Variants in ADGRB3 observed in about 807,000 individuals in gnomAD.
The protein encoded by ADGRB3 is adhesion G protein-coupled receptor B3.
In ADGRB3, 37 loss-of-function variants were observed where a neutral mutation model predicts 193.4. That is an observed-to-expected ratio of 0.19 (90% CI 0.15 to 0.25). ADGRB3 has a LOEUF of 0.25. ADGRB3 is among the 10% of genes least tolerant of loss of function. The probability of loss-of-function intolerance (pLI) is 1.00; values close to 1 mark genes in which losing one functional copy is unlikely to be tolerated. For missense variants in ADGRB3, 1,637 were observed against 1,852.9 expected (o/e 0.88, Z 2.14); for synonymous variants, 690 against 644.2 (o/e 1.07, Z -1.08).
At chr6:68,882,331 G>A (rs149963805) in intron 3 of ADGRB3, among the ~76,000 whole-genome samples, 2 of 152,220 alleles carry the variant, frequency 1.3e-5, no homozygotes, top group Admixed American at 1.3e-4. Context: ...CAAATAATAA[G>A]TATTATACTT....
At chr6:69,174,762 A>G (rs1046236286) in intron 17 of ADGRB3, among the ~76,000 whole-genome samples, 1 of 152,180 alleles carries the variant, frequency 6.6e-6, no homozygotes, top group Non-Finnish European at 1.5e-5. Flanking sequence ...TAGACTCACC[A>G]ACATCTGTTG....
chr6:69,234,222 C>G (rs1237362030), intron 18 of ADGRB3, among the ~76,000 whole-genome samples: 1 of 152,100 alleles, frequency 6.6e-6, no homozygotes, highest in Non-Finnish European at 1.5e-5. Flanking sequence ...CCTTCAAACT[C>G]TCAATGTTAA....
chr6:69,215,397 T>C (rs967329793), intron 17 of ADGRB3, among the ~76,000 whole-genome samples: 1 of 152,106 alleles, frequency 6.6e-6, no homozygotes, highest in African/African-American at 2.4e-5. Context: ...CCCATTTTCT[T>C]TTTTTCTTAG....
At chr6:69,080,282 T>C (rs898940247) in intron 17 of ADGRB3, among the ~76,000 whole-genome samples, 1 of 152,040 alleles carries the variant, frequency 6.6e-6, no homozygotes, top group Non-Finnish European at 1.5e-5. Context: ...CACAATATTA[T>C]ATGCCTTAAG....
intron 17 of ADGRB3, among the ~76,000 whole-genome samples, chr6:69,085,497 T>G (rs985513405): frequency 6.6e-6 from 1 of 152,074 alleles, no homozygotes; most frequent in African/African-American, 2.4e-5. Context: ...TGAAAAGACT[T>G]TATATTGCTG....
Position 69,367,322 on chromosome 6 carries a change from A to T in ADGRB3, c.4240-5084A>T, listed in dbSNP as rs138181280. ...GCAAATGAGGACTGTTAAGCAAAAGATTGTCACAATGTGTCTTTATAGCAG... is the reference window on the plus strand; with the variant it reads ...GCAAATGAGGACTGTTAAGCAAAAGTTTGTCACAATGTGTCTTTATAGCAG... On this transcript the variant is annotated intron_variant, in intron 29 of 31. Transcript: ENST00000370598. Among the ~76,000 whole-genome samples, 630 of 152,194 alleles carry T rather than the reference A, an allele frequency of 4.1e-3. 2 individuals are homozygous for T. The highest frequency in any genetic ancestry group is 8.3e-3 in the South Asian group (40 of 4,808).
At chr6:69,307,735 A>G (rs1469689127) in intron 20 of ADGRB3, among the ~76,000 whole-genome samples, 2 of 151,392 alleles carry the variant, frequency 1.3e-5, no homozygotes, top group Admixed American at 6.6e-5. Flanking sequence ...TGAAGACACC[A>G]GAAGAATCAC....
intron 15 of ADGRB3, among the ~76,000 whole-genome samples, chr6:69,055,781 A>G (rs1292096593): frequency 1.9e-4 from 29 of 151,396 alleles, no homozygotes; most frequent in Non-Finnish European, 5.9e-5. Context: ...CCTTGTCAAC[A>G]TTTGTTATGT....
At chr6:68,780,085 G>C (rs1766825140) in intron 3 of ADGRB3, among the ~76,000 whole-genome samples, 1 of 151,964 alleles carries the variant, frequency 6.6e-6, no homozygotes, top group Non-Finnish European at 1.5e-5. Context: ...TTCACTGTTA[G>C]ATCTTAGAAT....
intron 20 of ADGRB3, among the ~76,000 whole-genome samples, chr6:69,318,170 T>C (rs956129900): frequency 1.3e-5 from 2 of 151,546 alleles, no homozygotes; most frequent in East Asian, 3.9e-4. Flanking sequence ...CTGATGGACA[T>C]TAATCTAGTA....
chr6:68,747,879 T>C lies in ADGRB3; in HGVS notation c.757+108447T>C, dbSNP rs535665374. Among the ~76,000 whole-genome samples, 14 of 152,272 alleles carry C rather than the reference T, an allele frequency of 9.2e-5. No homozygotes were observed. In the South Asian group the frequency reaches 2.9e-3, roughly 32 times the overall value. Reference sequence around the variant, plus strand: ...TGACTTGGAAGAAAAAGAGGTTTAATTGGACTTACAGTTCCATATGGCTTG... The same window carrying C: ...TGACTTGGAAGAAAAAGAGGTTTAACTGGACTTACAGTTCCATATGGCTTG... On this transcript the variant is annotated intron_variant, in intron 3 of 31. Coordinates refer to ENST00000370598, the MANE Select transcript of ADGRB3 (RefSeq NM_001704.3).
At chr6:69,145,864 C>T (rs1774477170) in intron 17 of ADGRB3, among the ~76,000 whole-genome samples, 1 of 152,012 alleles carries the variant, frequency 6.6e-6, no homozygotes, top group African/African-American at 2.4e-5. Flanking sequence ...AGCTGTTCAT[C>T]CCGACCTCTC....
At chr6:68,878,790 G>A (rs1438706034) in intron 3 of ADGRB3, among the ~76,000 whole-genome samples, 1 of 152,138 alleles carries the variant, frequency 6.6e-6, no homozygotes, top group South Asian at 2.1e-4. Flanking sequence ...GGTTTAACTG[G>A]ACTTACAGTT....
At chr6:68,845,238 A>C (rs181011711) in intron 3 of ADGRB3, among the ~76,000 whole-genome samples, 1 of 152,296 alleles carries the variant, frequency 6.6e-6, no homozygotes, top group Non-Finnish European at 1.5e-5. Context: ...ATATAGATCT[A>C]TTATGTACTG....
intron 3 of ADGRB3, among the ~76,000 whole-genome samples, chr6:68,785,224 T>C (rs1262541090): frequency 1.3e-5 from 2 of 152,134 alleles, no homozygotes; most frequent in Non-Finnish European, 2.9e-5. Context: ...GTTACATATG[T>C]ATGCATGGGC....
At chr6:68,992,416 T>C (rs1291969844) in intron 10 of ADGRB3, among the ~76,000 whole-genome samples, 2 of 152,154 alleles carry the variant, frequency 1.3e-5, no homozygotes, top group Non-Finnish European at 2.9e-5. Context: ...GTCCTTCTTA[T>C]TGGCCAGTGC....
At chr6:68,769,781 C>T (rs1290309075) in intron 3 of ADGRB3, among the ~76,000 whole-genome samples, 1 of 152,012 alleles carries the variant, frequency 6.6e-6, no homozygotes, top group Non-Finnish European at 1.5e-5. Flanking sequence ...AAACGAAGTT[C>T]TGAGAGAAAA....
chr6:69,380,943 A>G (rs1293812277), intron 30 of ADGRB3, among the ~76,000 whole-genome samples: 1 of 151,944 alleles, frequency 6.6e-6, no homozygotes, highest in African/African-American at 2.4e-5. Context: ...CATAGAAGAA[A>G]ATAACTCTAT....
At chr6:69,016,055 C>A (rs1472592790) in intron 12 of ADGRB3, among the ~76,000 whole-genome samples, 1 of 151,868 alleles carries the variant, frequency 6.6e-6, no homozygotes, top group Admixed American at 6.6e-5. Context: ...TTTTGTTAAT[C>A]ATATTTTGGA....
Sources: allele counts gnomAD v4.1 joint callset (sites outside exome capture counted in the v4.1 genomes callset), GRCh38; gene constraint gnomAD v4.1.1; transcripts MANE v1.5; gene names NCBI Gene and HGNC (gene_info 2026-07-23, HGNC 2026-07-21).